Variants in USP49 observed in about 807,000 individuals in gnomAD.
The protein encoded by USP49 is ubiquitin specific peptidase 49.
USP49 carries 24 observed loss-of-function variants against 58.6 expected under a neutral mutation model. That is an observed-to-expected ratio of 0.41 (90% CI 0.30 to 0.58). The LOEUF (loss-of-function observed/expected upper bound fraction) is 0.58, where lower values mean the gene tolerates loss of function less well. Ranked by LOEUF, USP49 falls within the 20% of genes least tolerant of loss-of-function variation. USP49 has a pLI of 0.30. For missense variants in USP49, 703 were observed against 866.1 expected (o/e 0.81, Z 2.36); for synonymous variants, 408 against 365.1 (o/e 1.12, Z -1.34).
intron 3 of USP49, among the ~76,000 whole-genome samples, chr6:41,815,582 G>A (rs932519109): frequency 5.3e-5 from 8 of 152,164 alleles, no homozygotes; most frequent in African/African-American, 1.9e-4. Flanking sequence ...CAGTGCCATT[G>A]TCTCTGAATA....
At chr6:41,870,323 C>T (rs1397717403) in intron 3 of USP49, among the ~76,000 whole-genome samples, 2 of 152,124 alleles carry the variant, frequency 1.3e-5, no homozygotes, top group Non-Finnish European at 2.9e-5. Flanking sequence ...TGGTTAAAAA[C>T]GGTCTGGCTC....
At chr6:41,859,360 C>T (rs984198386) in intron 3 of USP49, among the ~76,000 whole-genome samples, 1 of 152,202 alleles carries the variant, frequency 6.6e-6, no homozygotes, top group Non-Finnish European at 1.5e-5. Context: ...CTATCCATTC[C>T]TTCCTTAGCC....
At chr6:41,878,396 C>T (rs1323547252) in intron 2 of USP49, among the ~76,000 whole-genome samples, 3 of 152,182 alleles carry the variant, frequency 2.0e-5, no homozygotes, top group Non-Finnish European at 4.4e-5. Flanking sequence ...AATTCCTTCT[C>T]ACCAAAAAAT....
intron 2 of USP49, among the ~76,000 whole-genome samples, chr6:41,883,141 A>G (rs1265815316): frequency 6.6e-6 from 1 of 151,956 alleles, no homozygotes; most frequent in Non-Finnish European, 1.5e-5. Flanking sequence ...TGGTAACTAG[A>G]AATAAAAATT....
chr6:41,852,077 G>A (rs1774040813), intron 3 of USP49, among the ~76,000 whole-genome samples: 1 of 151,870 alleles, frequency 6.6e-6, no homozygotes, highest in Admixed American at 6.6e-5. Flanking sequence ...TGTAATCCCA[G>A]CACTTTGGGT....
At chr6:41,826,358 AC>A (rs1244679798) in intron 3 of USP49, among the ~76,000 whole-genome samples, 1 of 152,234 alleles carries the variant, frequency 6.6e-6, no homozygotes, top group African/African-American at 2.4e-5. Flanking sequence ...GAAGCAAAAT[AC>A]AAAATAATAC....
intron 3 of USP49, among the ~76,000 whole-genome samples, chr6:41,830,951 G>C (rs1251950239): frequency 6.6e-6 from 1 of 152,114 alleles, no homozygotes; most frequent in Non-Finnish European, 1.5e-5. Flanking sequence ...AACCTGCATT[G>C]TCACTATAAA....
At chr6:41,874,947 G>A (rs981905047) in intron 2 of USP49, among the ~76,000 whole-genome samples, 13 of 152,086 alleles carry the variant, frequency 8.5e-5, no homozygotes, top group Non-Finnish European at 2.9e-5. Context: ...GAGTGACAGA[G>A]TGACACCTTG....
At chr6:41,831,406 T>C (rs1042275945) in intron 3 of USP49, among the ~76,000 whole-genome samples, 1 of 143,532 alleles carries the variant, frequency 7.0e-6, no homozygotes, top group Non-Finnish European at 1.5e-5. Flanking sequence ...GAAATAAAAA[T>C]AAAAATAAAT....
chr6:41,871,901 T>A (rs1399098476), intron 2 of USP49, among the ~76,000 whole-genome samples: 2 of 152,264 alleles, frequency 1.3e-5, no homozygotes, highest in African/African-American at 4.8e-5. Context: ...AAAGCACTTC[T>A]GCATTTGTTT....
intron 3 of USP49, among the ~76,000 whole-genome samples, chr6:41,837,221 T>C (rs1213520078): frequency 6.6e-6 from 1 of 152,128 alleles, no homozygotes; most frequent in Non-Finnish European, 1.5e-5. Context: ...ACTTTAAGGC[T>C]ACAGTCACCA....
intron 3 of USP49, among the ~76,000 whole-genome samples, chr6:41,828,657 CTCTG>C (rs1773583906): frequency 1.3e-5 from 2 of 152,238 alleles, no homozygotes; most frequent in South Asian, 4.1e-4. Flanking sequence ...TGTAAATATC[CTCTG>C]TCTGCAATTT....
At chr6:41,856,208 C>A (rs997372953) in intron 3 of USP49, among the ~76,000 whole-genome samples, 14 of 152,024 alleles carry the variant, frequency 9.2e-5, no homozygotes, top group Middle Eastern at 3.4e-3. Context: ...CCTGTCTCTA[C>A]TAAAAATACA....
intron 3 of USP49, among the ~76,000 whole-genome samples, chr6:41,830,797 T>A (rs1299956666): frequency 6.6e-6 from 1 of 151,326 alleles, no homozygotes; most frequent in Non-Finnish European, 1.5e-5. Context: ...CACTCCAGCC[T>A]GGGCAACAGA....
chr6:41,816,085 T>C (rs1773345064), intron 3 of USP49, among the ~76,000 whole-genome samples: 1 of 152,182 alleles, frequency 6.6e-6, no homozygotes, highest in Non-Finnish European at 1.5e-5. Flanking sequence ...CTCCGTACCT[T>C]CATCCTCTGC....
intron 2 of USP49, among the ~76,000 whole-genome samples, chr6:41,879,705 T>G (rs967969080): frequency 6.6e-6 from 1 of 152,186 alleles, no homozygotes; most frequent in Non-Finnish European, 1.5e-5. Context: ...TAAGAGAAAG[T>G]TGATATCGTG....
chr6:41,883,178 C>A (rs1774641838), intron 2 of USP49, among the ~76,000 whole-genome samples: 1 of 151,864 alleles, frequency 6.6e-6, no homozygotes, highest in Non-Finnish European at 1.5e-5. Flanking sequence ...ATGGCAAAAT[C>A]CTGCCTCTAC....
intron 3 of USP49, among the ~76,000 whole-genome samples, chr6:41,850,297 GC>G (rs1774003495): frequency 6.6e-6 from 1 of 151,614 alleles, no homozygotes. Context: ...ACAAAAATTA[GC>G]CAGACAAGGT....
Position 41,806,094 on chromosome 6 carries a change from G to A in USP49, c.890C>T (p.Thr297Ile), listed in dbSNP as rs753721736. The change falls in exon 4 of 8, where the codon ACC (threonine) becomes ATC (isoleucine). Residue 297 changes from threonine (T) to isoleucine (I), a missense_variant. Thr to Ile is a moderately conservative substitution (Grantham distance 89). Around this residue, in one of 6 missense-constraint regions of USP49, gnomAD observed 97 missense variants for 88.0 expected, o/e 1.10. Transcript: ENST00000682992. This position sits in a 1 kb window ranked among gnomAD's most constrained non-coding sequence, Gnocchi z 5.9. ...SKTEHLFPKA[T>I]NGKTQLSGKP... ...GCCAGAAAGCTGAGTCTTCCCGTTG[G>A]TGGCTTTGGGAAACAGATGTTCCGT... 6.2e-7 allele frequency: 1 copy of A among 1,614,078 alleles called. No homozygotes were observed. Among genetic ancestry groups the A allele is most frequent in the South Asian group, 1.1e-5 (1 of 91,086 alleles).
Sources: allele counts gnomAD v4.1 joint callset (sites outside exome capture counted in the v4.1 genomes callset), GRCh38; gene constraint gnomAD v4.1.1; regional missense constraint gnomAD v4.1.1; non-coding constraint Gnocchi (gnomAD v3.1); transcripts MANE v1.5; gene names NCBI Gene and HGNC (gene_info 2026-07-23, HGNC 2026-07-21).